Variants in PARVA observed in about 807,000 individuals in gnomAD.
PARVA encodes alpha-parvin.
A neutral mutation model predicts 52.6 loss-of-function variants in PARVA; 25 were observed. The ratio of observed to expected loss-of-function variants is 0.48; its 90% confidence interval spans 0.35 to 0.66. The LOEUF is 0.66. Ranked by LOEUF, PARVA falls within the 30% of genes least tolerant of loss-of-function variation. The probability of loss-of-function intolerance (pLI) is 0.01; values close to 1 mark genes in which losing one functional copy is unlikely to be tolerated. For synonymous variants in PARVA, 185 were observed against 179.1 expected, an observed-to-expected ratio of 1.03 and a Z score of -0.26; for missense variants, 373 against 450.9, an observed-to-expected ratio of 0.83 and a Z score of 1.56.
chr11:12,392,288 A>G (rs1251248203), intron 1 of PARVA, among the ~76,000 whole-genome samples: 4 of 133,410 alleles, frequency 3.0e-5, no homozygotes, highest in Non-Finnish European at 4.6e-5. Flanking sequence ...TTTTTTCCTG[A>G]GACGGAGTCT....
chr11:12,427,806 A>T (rs1232085856), intron 1 of PARVA, among the ~76,000 whole-genome samples: 1 of 152,244 alleles, frequency 6.6e-6, no homozygotes, highest in African/African-American at 2.4e-5. Flanking sequence ...GAAAAGGTGA[A>T]TGACAGTGGT....
At chr11:12,451,296 T>TAA (rs771839214) in intron 1 of PARVA, among the ~76,000 whole-genome samples, 11 of 152,218 alleles carry the variant, frequency 7.2e-5, no homozygotes, top group Non-Finnish European at 4.4e-5. Context: ...CTCTAGCAGC[T>TAA]AAAAGCTCAT....
intron 1 of PARVA, among the ~76,000 whole-genome samples, chr11:12,383,288 C>G (rs1402740821): frequency 2.6e-5 from 4 of 152,150 alleles, no homozygotes; most frequent in African/African-American, 4.8e-5. Context: ...CACTTTTCAA[C>G]TTTCTTTCTC....
chr11:12,383,036 C>A (rs1939515891), intron 1 of PARVA, among the ~76,000 whole-genome samples: 2 of 152,188 alleles, frequency 1.3e-5, no homozygotes, highest in Admixed American at 1.3e-4. Flanking sequence ...CTGTGGGACA[C>A]TATTTTGTCC....
At position 12,385,562 on chromosome 11, in the gene PARVA, C is replaced by A. The variant is rs192023623; in HGVS notation, c.136+7779C>A. The stretch of plus-strand genomic sequence containing the variant: ...ACTGATTTTAACTGAGTTGGAGAAT[C>A]CTGGAGGAGGTCAGCAACTTTTTCT... On this transcript the variant is annotated intron_variant, in intron 1 of 12. Coordinates refer to ENST00000334956, the MANE Select transcript of PARVA (RefSeq NM_018222.5). Among the ~76,000 whole-genome samples the A allele has an allele frequency of 4.3e-4, 66 of 152,222 alleles. No individual in the cohort carries two copies. In the East Asian group the frequency reaches 0.012, roughly 28 times the overall value.
intron 12 of PARVA, among the ~76,000 whole-genome samples, chr11:12,523,618 TG>T (rs528974112): frequency 6.6e-6 from 1 of 152,078 alleles, no homozygotes; most frequent in South Asian, 2.1e-4. Context: ...CTAATACCTC[TG>T]GGGGGGAGGA....
intron 1 of PARVA, among the ~76,000 whole-genome samples, chr11:12,413,819 C>T (rs918936374): frequency 2.6e-5 from 4 of 152,208 alleles, no homozygotes; most frequent in Non-Finnish European, 5.9e-5. Context: ...ACTCGAGCCC[C>T]CAGCTGAAAG....
intron 1 of PARVA, among the ~76,000 whole-genome samples, chr11:12,456,398 G>T (rs1417443665): frequency 6.6e-6 from 1 of 152,094 alleles, no homozygotes; most frequent in African/African-American, 2.4e-5. Flanking sequence ...ACAGAGCCCA[G>T]GCTAATTCAA....
intron 1 of PARVA, among the ~76,000 whole-genome samples, chr11:12,400,201 A>G (rs1939805934): frequency 1.3e-5 from 2 of 152,346 alleles, no homozygotes; most frequent in South Asian, 4.1e-4. Flanking sequence ...GAGAGTGCCT[A>G]TTTAACTATA....
In PARVA at chr11:12,484,787, T is replaced by C. The variant is rs181857206; in HGVS notation, c.400+6838T>C. ...AAGGTTTCAGGAAAGAGGGGGTATT[T>C]TGGTGTTTGATTTTTGTTGACTTTT... On this transcript the variant is annotated intron_variant, in intron 4 of 12. Transcript: ENST00000334956. Among the ~76,000 whole-genome samples, 36 of 151,050 alleles carry C rather than the reference T, an allele frequency of 2.4e-4. No homozygotes were observed. The East Asian group carries it at 6.3e-3, about 26-fold the overall frequency.
At chr11:12,425,457 T>C (rs1940217850) in intron 1 of PARVA, among the ~76,000 whole-genome samples, 1 of 152,128 alleles carries the variant, frequency 6.6e-6, no homozygotes, top group African/African-American at 2.4e-5. Context: ...AACCCCAAAA[T>C]ACCTTGATCT....
Position 12,528,577 on chromosome 11 carries a change from T to C in PARVA, c.*652T>C, listed in dbSNP as rs1941732949. On this transcript the variant is annotated 3_prime_UTR_variant, in exon 13 of 13. Transcript: ENST00000334956. The stretch of plus-strand genomic sequence containing the variant: ...CATGTTTATAACAAGCCAATTACAT[T>C]ATGTTCTTTGCATGTTCTAAAGTTG... 1 of 152,724 alleles carries C rather than the reference T, an allele frequency of 6.5e-6. No homozygotes were observed. The highest frequency in any genetic ancestry group is 2.1e-4 in the South Asian group (1 of 4,836). The allele number at this position is 152,724 out of a possible 1,614,324, so 9.5% of individuals were successfully genotyped here. A position where few individuals can be genotyped will look rare whatever the true frequency, so the allele number is the denominator to read the frequency against.
intron 1 of PARVA, among the ~76,000 whole-genome samples, chr11:12,424,881 G>A (rs1464774820): frequency 1.3e-5 from 2 of 152,038 alleles, no homozygotes; most frequent in African/African-American, 4.8e-5. Context: ...ATTTCCCTAT[G>A]TGCTAGCTCT....
chr11:12,428,887 G>A (rs1240821819), intron 1 of PARVA, among the ~76,000 whole-genome samples: 1 of 152,196 alleles, frequency 6.6e-6, no homozygotes, highest in East Asian at 1.9e-4. Flanking sequence ...AAAAACAGAA[G>A]GAGCTTCAGG....
intron 12 of PARVA, among the ~76,000 whole-genome samples, chr11:12,519,708 G>A (rs535452421): frequency 3.7e-4 from 56 of 152,280 alleles, no homozygotes; most frequent in African/African-American, 1.3e-3. Flanking sequence ...GAAGAATGGG[G>A]ACCCTGTCTC....
intron 6 of PARVA, among the ~76,000 whole-genome samples, chr11:12,505,494 G>C (rs1941422369): frequency 6.6e-6 from 1 of 152,096 alleles, no homozygotes; most frequent in Non-Finnish European, 1.5e-5. Flanking sequence ...CACACCTCTG[G>C]GTACTTAACT....
intron 1 of PARVA, among the ~76,000 whole-genome samples, chr11:12,390,225 C>T (rs745737603): frequency 2.6e-5 from 4 of 152,142 alleles, no homozygotes; most frequent in African/African-American, 4.8e-5. Context: ...CAATTCAAAA[C>T]GATTATTCTG....
At chr11:12,444,437 C>A (rs1460020717) in intron 1 of PARVA, among the ~76,000 whole-genome samples, 1 of 151,806 alleles carries the variant, frequency 6.6e-6, no homozygotes, top group Non-Finnish European at 1.5e-5. Context: ...GTATATCTTT[C>A]TTTGCTTTTC....
intron 1 of PARVA, among the ~76,000 whole-genome samples, chr11:12,451,087 C>T (rs2135014188): frequency 6.6e-6 from 1 of 152,326 alleles, no homozygotes; most frequent in South Asian, 2.1e-4. Flanking sequence ...CCAGTTGAGG[C>T]CTAGCTGTGG....
Sources: allele counts gnomAD v4.1 joint callset (sites outside exome capture counted in the v4.1 genomes callset), GRCh38; gene constraint gnomAD v4.1.1; transcripts MANE v1.5; gene names NCBI Gene and HGNC (gene_info 2026-07-23, HGNC 2026-07-21).